TTLL9: variants seen among roughly 807,000 people sequenced by gnomAD.
TTLL9 encodes probable tubulin polyglutamylase TTLL9.
In TTLL9, 47 loss-of-function variants were observed where a neutral mutation model predicts 65.6. That is an observed-to-expected ratio of 0.72 (90% CI 0.57 to 0.91). The LOEUF is 0.91. Ranked by LOEUF, TTLL9 falls within the 40% of genes least tolerant of loss-of-function variation. The pLI is 0.00. For synonymous variants in TTLL9, 179 were observed against 204.8 expected, an observed-to-expected ratio of 0.87 and a Z score of 1.07; for missense variants, 537 against 568.8, an observed-to-expected ratio of 0.94 and a Z score of 0.57.
chr20:31,937,345 G>A, intron 12 of TTLL9, 51 bp from the exon 13 acceptor site: 1 of 1,382,660 alleles, frequency 7.2e-7, no homozygotes, highest in Non-Finnish European at 1.0e-6. Context: ...AAATCCTAGG[G>A]GCTCCAGGGA....
chr20:31,888,067 A>G lies in TTLL9; in HGVS notation c.113+828A>G, dbSNP rs574238372. Among the ~76,000 whole-genome samples, 12 of 151,760 alleles carry G rather than the reference A, an allele frequency of 7.9e-5. No homozygotes were observed. In the South Asian group the frequency reaches 2.3e-3, roughly 29 times the overall value. On this transcript the variant is annotated intron_variant, in intron 3 of 14. Coordinates refer to ENST00000535842, the MANE Select transcript of TTLL9 (RefSeq NM_001008409.5). ...GACCAGCTAATTTTGTATTTTTAGT[A>G]GAGACAGGATTTCTCCATGTTGGTC...
intron 3 of TTLL9, among the ~76,000 whole-genome samples, chr20:31,891,384 C>A (rs1438527827): frequency 6.6e-6 from 1 of 152,174 alleles, no homozygotes; most frequent in Non-Finnish European, 1.5e-5. Flanking sequence ...ATATTTTCTG[C>A]AAACTGATGG....
At chr20:31,880,155 A>C (rs1009910253) in intron 2 of TTLL9, among the ~76,000 whole-genome samples, 1 of 152,168 alleles carries the variant, frequency 6.6e-6, no homozygotes, top group African/African-American at 2.4e-5. Flanking sequence ...GAGCCCGGCC[A>C]GCTGGCGGGA....
chr20:31,901,263 TG>T (rs2063475203), intron 4 of TTLL9: 1 of 152,270 alleles, frequency 6.6e-6, no homozygotes, highest in Admixed American at 6.5e-5. Context: ...GATACTTACC[TG>T]GCAGGGGAAA....
chr20:31,942,803 A>G (rs952720050), intron 14 of TTLL9, 142 bp from the exon 15 acceptor site: 34 of 768,806 alleles, frequency 4.4e-5, no homozygotes, highest in Non-Finnish European at 6.8e-5. Flanking sequence ...CAGTTTAGGA[A>G]TGGAGCCAGG....
chr20:31,935,360 C>T (rs935286210), intron 12 of TTLL9, among the ~76,000 whole-genome samples: 9 of 152,308 alleles, frequency 5.9e-5, no homozygotes, highest in African/African-American at 1.7e-4. Flanking sequence ...GGGACCACCA[C>T]GATGGCCTCA....
intron 3 of TTLL9, among the ~76,000 whole-genome samples, chr20:31,893,158 T>G (rs1411576632): frequency 6.6e-6 from 1 of 152,212 alleles, no homozygotes; most frequent in African/African-American, 2.4e-5. Flanking sequence ...TTTATTTCAC[T>G]GTCATATTTT....
intron 2 of TTLL9, among the ~76,000 whole-genome samples, chr20:31,886,079 C>T (rs1350146423): frequency 1.3e-5 from 2 of 152,174 alleles, no homozygotes; most frequent in African/African-American, 2.4e-5. Context: ...GAAGGGGACC[C>T]CACACGCCAG....
At chr20:31,914,812 G>A (rs1270822823) in intron 6 of TTLL9, among the ~76,000 whole-genome samples, 1 of 152,182 alleles carries the variant, frequency 6.6e-6, no homozygotes, top group African/African-American at 2.4e-5. Flanking sequence ...ATATCCCCTG[G>A]GGCTTAGTCA....
chr20:31,919,428 A>G (rs544388517), intron 6 of TTLL9, among the ~76,000 whole-genome samples: 1 of 152,196 alleles, frequency 6.6e-6, no homozygotes. Flanking sequence ...TATGAGATCA[A>G]AGATTCTCTC....
At chr20:31,911,874 G>C (rs909878003) in intron 6 of TTLL9, among the ~76,000 whole-genome samples, 3 of 119,882 alleles carry the variant, frequency 2.5e-5, no homozygotes, top group Non-Finnish European at 5.4e-5. Context: ...GTGTGTGTGT[G>C]TCCTCTTTCC....
At position 31,912,915 on chromosome 20, in the gene TTLL9, C is replaced by T. The variant is rs941103656; in HGVS notation, c.504+2993C>T. On this transcript the variant is annotated intron_variant, in intron 6 of 14. Coordinates refer to ENST00000535842, the MANE Select transcript of TTLL9 (RefSeq NM_001008409.5). ...GCTCATGCCTGTAATCTCAGCACTTCGGGAGGCCAAGGTGGGAGGATCGCT... is the reference window on the plus strand; with the variant it reads ...GCTCATGCCTGTAATCTCAGCACTTTGGGAGGCCAAGGTGGGAGGATCGCT... Among the ~76,000 whole-genome samples the T allele has an allele frequency of 7.9e-5, 12 of 152,096 alleles. No individual in the cohort carries two copies. In the East Asian group the frequency reaches 1.7e-3, roughly 22 times the overall value.
chr20:31,905,615 TC>T (rs1485608088), intron 4 of TTLL9, among the ~76,000 whole-genome samples: 1 of 152,150 alleles, frequency 6.6e-6, no homozygotes, highest in Non-Finnish European at 1.5e-5. Flanking sequence ...TCTCTGGACA[TC>T]TCTGAGCTCA....
rs529533311 is a variant in TTLL9 at position 31,887,683 on chromosome 20, C to T, written c.113+444C>T. 3.3e-5 allele frequency among the ~76,000 whole-genome samples: 5 copies of T among 152,268 alleles called. No homozygotes were observed. The East Asian group carries it at 7.7e-4, about 23-fold the overall frequency. ...CTTCTGCTTCACTCTGCATGGATAA[C>T]CTGCATGCCAAACCCAGCACCCCTT... is the stretch of plus-strand genomic sequence containing the variant. On this transcript the variant is annotated intron_variant, in intron 3 of 14. Transcript: ENST00000535842.
At chr20:31,939,033 T>A (rs1401595379) in intron 13 of TTLL9, 109 bp from the exon 14 acceptor site, 4 of 1,312,412 alleles carry the variant, frequency 3.0e-6, no homozygotes, top group Middle Eastern at 2.6e-4. Flanking sequence ...AAAGGACTTC[T>A]GAGGGACGGA....
At chr20:31,914,418 A>C (rs2063702763) in intron 6 of TTLL9, among the ~76,000 whole-genome samples, 1 of 152,238 alleles carries the variant, frequency 6.6e-6, no homozygotes, top group African/African-American at 2.4e-5. Context: ...TAATGTGGAC[A>C]GCTTAATGAG....
intron 2 of TTLL9, among the ~76,000 whole-genome samples, chr20:31,873,674 A>AAGAGAGAGAG (rs946296861): frequency 2.6e-5 from 3 of 116,404 alleles, no homozygotes; most frequent in African/African-American, 1.1e-4. Flanking sequence ...GAAAGAAAGA[A>AAGAGAGAGAG]AGAGAGAGAG....
chr20:31,873,878 A>T (rs2063001933), intron 2 of TTLL9, among the ~76,000 whole-genome samples: 1 of 142,154 alleles, frequency 7.0e-6, no homozygotes, highest in African/African-American at 2.6e-5. Context: ...GAAAGAAAGA[A>T]AGAAAGAGAA....
chr20:31,916,628 C>T (rs1267542206), intron 6 of TTLL9, among the ~76,000 whole-genome samples: 1 of 152,186 alleles, frequency 6.6e-6, no homozygotes, highest in Non-Finnish European at 1.5e-5. Context: ...ACTAGAGGCC[C>T]AGGCTCCTTC....
Sources: allele counts gnomAD v4.1 joint callset (sites outside exome capture counted in the v4.1 genomes callset), GRCh38; gene constraint gnomAD v4.1.1; transcripts MANE v1.5; gene names NCBI Gene and HGNC (gene_info 2026-07-23, HGNC 2026-07-21).